COL17A1: variants seen among roughly 807,000 people sequenced by gnomAD.
COL17A1 encodes collagen alpha-1(XVII) chain.
COL17A1 carries 181 observed loss-of-function variants against 218.4 expected under a neutral mutation model. That is an observed-to-expected ratio of 0.83 (90% CI 0.73 to 0.94). The LOEUF (loss-of-function observed/expected upper bound fraction) is 0.94, where lower values mean the gene tolerates loss of function less well. COL17A1 is among the 40% of genes least tolerant of loss of function. The pLI is 0.00. For missense variants in COL17A1, 1,924 were observed against 1,945.9 expected, an observed-to-expected ratio of 0.99 and a Z score of 0.21; for synonymous variants, 721 against 731.0, an observed-to-expected ratio of 0.99 and a Z score of 0.22.
Position 104,032,267 on chromosome 10 carries a change from T to C in COL17A1, c.4462A>G (p.Arg1488Gly). The change falls in exon 56 of 56, where the codon AGA (arginine) becomes GGA (glycine). Residue 1488 changes from arginine to glycine, a missense_variant. Coordinates refer to ENST00000648076, the MANE Select transcript of COL17A1 (RefSeq NM_000494.4). Reference protein sequence around the residue: ...DKGDQVYAGRRRRRSIAVKP With the variant: ...DKGDQVYAGRGRRRSIAVKP ...TTGACAGCAATACTTCTTCTCCTTC[T>C]CCGCCCAGCATAGACTTGGTCACCT... 1 of 1,614,090 alleles carries C rather than the reference T, an allele frequency of 6.2e-7. No homozygotes were observed. Among genetic ancestry groups the C allele is most frequent in the East Asian group, 2.2e-5 (1 of 44,884 alleles).
chr10:104,057,050 A>G lies in COL17A1; in HGVS notation c.1390T>C (p.Trp464Arg). 1.2e-6 allele frequency: 2 copies of G among 1,607,460 alleles called. No individual in the cohort carries two copies. Among genetic ancestry groups the G allele is most frequent in the South Asian group, 1.1e-5 (1 of 90,684 alleles). The change falls in exon 17 of 56, where the codon TGG (tryptophan) becomes CGG (arginine). Residue 464 changes from tryptophan (W) to arginine (R), a missense_variant. Physicochemically the swap from Trp to Arg is moderately radical, Grantham distance 101 (BLOSUM62 -3). Transcript: ENST00000648076. ...AGCAGGCCCAGCAGCCACTTCCACC[A>G]GCTGCAGCAGGAGCCGCAGGGGCAC... is the stretch of plus-strand genomic sequence containing the variant. Reference protein sequence around the residue: ...AWCPCGSCCSWWKWLLGLLLT... With the variant: ...AWCPCGSCCSRWKWLLGLLLT...
intron 33 of COL17A1, among the ~76,000 whole-genome samples, chr10:104,044,187 G>A (rs1215837921): frequency 6.6e-6 from 1 of 152,196 alleles, no homozygotes; most frequent in Non-Finnish European, 1.5e-5. Flanking sequence ...CTCTGCCTGG[G>A]AATCGCCTTA....
chr10:104,036,087 G>GGTGTGTGTGTATGGGAGT (rs2086289839), intron 48 of COL17A1, among the ~76,000 whole-genome samples: 1 of 9,994 alleles, frequency 1.0e-4, no homozygotes, highest in Non-Finnish European at 2.3e-4. Flanking sequence ...AGTGTGTATG[G>GGTGTGTGTGTATGGGAGT]GAGTGTGTGT....
Position 104,061,455 on chromosome 10 carries a change from T to G in COL17A1, c.929A>C (p.Asn310Thr). The G allele has an allele frequency of 6.2e-7, 1 of 1,613,360 alleles. No individual in the cohort carries two copies. Among genetic ancestry groups the G allele is most frequent in the Non-Finnish European group, 8.5e-7 (1 of 1,179,770 alleles). ...TTSTAYGVKK[N>T]MPQSPAAVNT... is the part of the protein sequence containing the mutation. ...CACAGCCGCAGGACTCTGGGGCATG[T>G]TTTTCTTCACCCCATATGCTGCAAG... The change falls in exon 13 of 56, where the codon AAC (asparagine) becomes ACC (threonine). Residue 310 changes from asparagine (N) to threonine (T), a missense_variant. Physicochemically the swap from Asn to Thr is moderately conservative, Grantham distance 65. Coordinates refer to ENST00000648076, the MANE Select transcript of COL17A1 (RefSeq NM_000494.4).
chr10:104,057,123 GCCACCTCCTCCACTGCCACCA>G lies in COL17A1; in HGVS notation c.1296_1316del (p.Gly434_Gly440del), dbSNP rs777603396. On this transcript the variant is annotated inframe_deletion, in exon 17 of 56. Transcript: ENST00000648076. ...GGCCGCCGCCAGCGCCACCAACACC[GCCACCTCCTCCACTGCCACCA>G]CCACCACTGCTGCCGTAGCTGTGGA... The G allele has an allele frequency of 6.2e-7, 1 of 1,602,710 alleles. No homozygotes were observed. Among genetic ancestry groups the G allele is most frequent in the African/African-American group, 1.5e-5 (1 of 65,338 alleles).
intron 33 of COL17A1, among the ~76,000 whole-genome samples, chr10:104,045,030 C>T (rs2086395302): frequency 6.6e-6 from 1 of 152,088 alleles, no homozygotes; most frequent in Non-Finnish European, 1.5e-5. Flanking sequence ...CATGACAGAG[C>T]ACAGCTCCAT....
At chr10:104,078,730 G>T in intron 2 of COL17A1, 144 bp from the exon 3 acceptor site, 1 of 1,105,890 alleles carries the variant, frequency 9.0e-7, no homozygotes. Flanking sequence ...TAAGGTGTGT[G>T]ATCTGACCCA....
chr10:104,050,257 A>G, intron 27 of COL17A1, 133 bp from the exon 28 acceptor site: 1 of 1,339,614 alleles, frequency 7.5e-7, no homozygotes, highest in Non-Finnish European at 1.0e-6. Context: ...GATGTTGGTG[A>G]GGACACAGCA....
Position 104,033,332 on chromosome 10 carries a change from T to G in COL17A1, c.4200A>C (p.Pro1400=). ...LQGMAYTVQG[P]PGQPGPQGPP... ...GCCCCTGTGGCCCAGGCTGGCCTGG[T>G]GGGCCCTGGACAGTGTAGGCCATCC... The change falls in exon 53 of 56, where the codon CCA becomes CCC. Residue 1400 remains proline, a synonymous_variant. Transcript: ENST00000648076. 6.2e-7 allele frequency: 1 copy of G among 1,609,372 alleles called. No individual in the cohort carries two copies. Among genetic ancestry groups the G allele is most frequent in the Non-Finnish European group, 8.5e-7 (1 of 1,177,990 alleles).
Position 104,062,160 on chromosome 10 carries a change from T to C in COL17A1, c.910+98A>G, listed in dbSNP as rs7908260. On this transcript the variant is annotated intron_variant, in intron 12 of 55. Transcript: ENST00000648076. ...TGTGTCTTTGGTGGGAAAGGTCGAC[T>C]GATTTTCAGGGACATTTTGGGTCTC... The C allele has an allele frequency of 5.4e-5, 85 of 1,583,506 alleles. No homozygotes were observed. The African/African-American group carries it at 9.4e-4, about 18-fold the overall frequency.
chr10:104,081,765 G>A (rs759770662), intron 1 of COL17A1, among the ~76,000 whole-genome samples: 1 of 152,140 alleles, frequency 6.6e-6, no homozygotes, highest in Non-Finnish European at 1.5e-5. Context: ...CTTCAGGCTC[G>A]ACTTACCCAG....
chr10:104,048,153 G>A, intron 29 of COL17A1, 49 bp from the exon 30 acceptor site: 1 of 1,604,012 alleles, frequency 6.2e-7, no homozygotes, highest in Non-Finnish European at 8.5e-7. Flanking sequence ...AGTGATTTCT[G>A]CGATTCCTCC....
intron 2 of COL17A1, among the ~76,000 whole-genome samples, chr10:104,079,735 G>A (rs911023821): frequency 6.6e-6 from 1 of 152,140 alleles, no homozygotes; most frequent in Non-Finnish European, 1.5e-5. Flanking sequence ...AGACCAGCCT[G>A]GCCAACATAG....
At chr10:104,043,955 C>T (rs2134591457) in intron 33 of COL17A1, 95 bp from the exon 34 acceptor site, 1 of 1,349,994 alleles carries the variant, frequency 7.4e-7, no homozygotes, top group Admixed American at 1.7e-5. Context: ...ATTTGGGACC[C>T]ACTTCTGGGC....
chr10:104,055,339 G>A (rs766137087), intron 19 of COL17A1, 33 bp downstream of exon 19: 1 of 1,613,826 alleles, frequency 6.2e-7, no homozygotes, highest in Non-Finnish European at 8.5e-7. Context: ...TGCAGGAAAT[G>A]AATCAGAGAC....
chr10:104,033,049 A>T (rs933287354), intron 53 of COL17A1, 81 bp from the exon 54 acceptor site: 4 of 1,553,470 alleles, frequency 2.6e-6, no homozygotes, highest in Non-Finnish European at 3.5e-6. Context: ...TCAGAGTAAC[A>T]CAGAGAGATA....
chr10:104,035,434 T>C, intron 49 of COL17A1, 40 bp downstream of exon 49: 1 of 1,613,368 alleles, frequency 6.2e-7, no homozygotes, highest in Non-Finnish European at 8.5e-7. Context: ...CTCTGCTTCC[T>C]CCCCAACCAG....
intron 1 of COL17A1, among the ~76,000 whole-genome samples, chr10:104,085,257 A>G (rs1475507768): frequency 2.0e-5 from 3 of 152,132 alleles, no homozygotes; most frequent in Non-Finnish European, 4.4e-5. Flanking sequence ...CAGCACAGGG[A>G]CTGTTTCTAG....
chr10:104,082,046 C>T (rs536155434), intron 1 of COL17A1, among the ~76,000 whole-genome samples: 2 of 152,318 alleles, frequency 1.3e-5, no homozygotes, highest in East Asian at 1.9e-4. Flanking sequence ...AGCTGATCAA[C>T]GATCTGGTGG....
Sources: allele counts gnomAD v4.1 joint callset (sites outside exome capture counted in the v4.1 genomes callset), GRCh38; gene constraint gnomAD v4.1.1; transcripts MANE v1.5; gene names NCBI Gene and HGNC (gene_info 2026-07-23, HGNC 2026-07-21).